ALDH1A2: variants seen among roughly 807,000 people sequenced by gnomAD.
The protein encoded by ALDH1A2 is aldehyde dehydrogenase 1 family member A2.
In ALDH1A2, 27 loss-of-function variants were observed where a neutral mutation model predicts 60.3. The observed-to-expected ratio is 0.45, with a 90% confidence interval of 0.33 to 0.62. ALDH1A2 has a LOEUF of 0.62. Among genes scored for constraint, ALDH1A2 ranks in the 20% least tolerant of loss-of-function variants. The pLI is 0.02. For missense variants in ALDH1A2, 581 were observed against 643.8 expected (o/e 0.90, Z 1.06); for synonymous variants, 289 against 232.4 (o/e 1.24, Z -2.21).
chr15:58,005,332 T>C (rs1208437796), intron 4 of ALDH1A2, among the ~76,000 whole-genome samples: 1 of 152,014 alleles, frequency 6.6e-6, no homozygotes, highest in African/African-American at 2.4e-5. Flanking sequence ...TCACACTATA[T>C]TGCAGTTGCT....
chr15:57,968,545 T>TTA (rs1228809659), intron 7 of ALDH1A2, among the ~76,000 whole-genome samples: 1 of 152,222 alleles, frequency 6.6e-6, no homozygotes, highest in Non-Finnish European at 1.5e-5. Context: ...CATCAAAATC[T>TTA]TATCCCTGCA....
chr15:58,021,184 T>C (rs1435331951), intron 1 of ALDH1A2, among the ~76,000 whole-genome samples: 2 of 152,198 alleles, frequency 1.3e-5, no homozygotes, highest in Non-Finnish European at 2.9e-5. Flanking sequence ...AAATCTGCAT[T>C]TTAACTAGCA....
chr15:58,022,530 G>A (rs945511143), intron 1 of ALDH1A2, among the ~76,000 whole-genome samples: 10 of 151,962 alleles, frequency 6.6e-5, no homozygotes, highest in Non-Finnish European at 1.0e-4. Context: ...CACTACCTCC[G>A]GGGGGAAAGC....
chr15:58,015,544 A>G (rs1018609580), intron 1 of ALDH1A2, among the ~76,000 whole-genome samples: 1 of 152,246 alleles, frequency 6.6e-6, no homozygotes, highest in Non-Finnish European at 1.5e-5. Context: ...TCATAAACAC[A>G]TGTAACAAAA....
chr15:58,014,471 A>G (rs761130861), intron 1 of ALDH1A2, 190 bp from the exon 2 acceptor site: 1 of 641,872 alleles, frequency 1.6e-6, no homozygotes, highest in Non-Finnish European at 2.9e-6. Flanking sequence ...TTGCTTTAAC[A>G]TCATCCAAAG....
chr15:58,052,535 G>A (rs778587212), intron 1 of ALDH1A2, among the ~76,000 whole-genome samples: 4 of 151,876 alleles, frequency 2.6e-5, no homozygotes, highest in East Asian at 3.9e-4. Flanking sequence ...GCGCAATCTC[G>A]GCTCAGTGCA....
chr15:57,974,898 G>C (rs953877479), intron 7 of ALDH1A2, among the ~76,000 whole-genome samples: 16 of 152,176 alleles, frequency 1.1e-4, no homozygotes, highest in Non-Finnish European at 2.4e-4. Flanking sequence ...AACAACGCTT[G>C]TCTCCAAAGT....
intron 7 of ALDH1A2, among the ~76,000 whole-genome samples, chr15:57,989,782 AAAC>A (rs1894833213): frequency 6.6e-6 from 1 of 152,236 alleles, no homozygotes; most frequent in East Asian, 1.9e-4. Context: ...ATTTATAAAC[AAAC>A]AACCCTCACC....
rs190683602 is a variant in ALDH1A2 at position 58,062,707 on chromosome 15, C to T, written c.117+2827G>A. ...TAACACCATCTAGTTTTAAAAAGCA[C>T]ATTCCTTCATAAGGGATCACTTTTA... On this transcript the variant is annotated intron_variant, in intron 1 of 12. Coordinates refer to ENST00000249750, the MANE Select transcript of ALDH1A2 (RefSeq NM_003888.4). 1.7e-3 allele frequency among the ~76,000 whole-genome samples: 257 copies of T among 152,296 alleles called. 2 individuals carry two copies. Among genetic ancestry groups the T allele is most frequent in the South Asian group, 0.011 (52 of 4,830 alleles).
chr15:58,020,698 A>G (rs1412350450), intron 1 of ALDH1A2, among the ~76,000 whole-genome samples: 3 of 152,036 alleles, frequency 2.0e-5, no homozygotes, highest in Non-Finnish European at 4.4e-5. Context: ...TTATTCTTAG[A>G]TATTTTCTTT....
intron 1 of ALDH1A2, among the ~76,000 whole-genome samples, chr15:58,032,781 T>G (rs1280183200): frequency 7.2e-6 from 1 of 139,212 alleles, no homozygotes; most frequent in Non-Finnish European, 1.6e-5. Context: ...TCAACCAAAG[T>G]GCCCCTCAAC....
intron 4 of ALDH1A2, among the ~76,000 whole-genome samples, chr15:58,008,377 ATTTATAACTCG>A: frequency 6.6e-6 from 1 of 152,038 alleles, no homozygotes; most frequent in Middle Eastern, 3.2e-3. Context: ...TATGCCCTGT[ATTTATAACTCG>A]TAGATAAGCA....
At chr15:58,013,745 C>T (rs1895704027) in intron 3 of ALDH1A2, 113 bp downstream of exon 3, 2 of 1,398,320 alleles carry the variant, frequency 1.4e-6, no homozygotes, top group Non-Finnish European at 1.9e-6. Context: ...GAGCTAGACT[C>T]CGTCTCAAAA....
intron 1 of ALDH1A2, among the ~76,000 whole-genome samples, chr15:58,048,309 C>G (rs1171238059): frequency 6.6e-6 from 1 of 152,030 alleles, no homozygotes; most frequent in East Asian, 1.9e-4. Context: ...TCAATGATTA[C>G]ACAAACTGTG....
intron 1 of ALDH1A2, among the ~76,000 whole-genome samples, chr15:58,059,777 C>T (rs1216915689): frequency 1.3e-5 from 2 of 152,036 alleles, no homozygotes; most frequent in East Asian, 3.9e-4. Flanking sequence ...CCCAGGAATC[C>T]CATTTGGTAA....
intron 1 of ALDH1A2, among the ~76,000 whole-genome samples, chr15:58,039,467 C>T (rs1433044851): frequency 1.3e-5 from 2 of 151,762 alleles, no homozygotes; most frequent in Admixed American, 6.6e-5. Context: ...TGTTCAACCT[C>T]AATTGTGAAG....
At position 57,999,416 on chromosome 15, in the gene ALDH1A2, C is replaced by T. The variant is rs991708555; in HGVS notation, c.494-4277G>A. Among the ~76,000 whole-genome samples, 16 of 151,666 alleles carry T rather than the reference C, an allele frequency of 1.1e-4. 1 individual carries two copies. Among genetic ancestry groups the T allele is most frequent in the East Asian group, 9.7e-4 (5 of 5,156 alleles). On this transcript the variant is annotated intron_variant, in intron 4 of 12. Transcript: ENST00000249750. ...GACACTTCTCAAAAGAAGACAGTCA[C>T]GCAGCCAAAAAACATGAAAAAAAGC...
chr15:58,007,781 T>C (rs1005519302), intron 4 of ALDH1A2, among the ~76,000 whole-genome samples: 1 of 145,924 alleles, frequency 6.9e-6, no homozygotes, highest in East Asian at 2.1e-4. Flanking sequence ...ACTTTCTATA[T>C]TCCAGACTTC....
chr15:58,058,130 T>C, intron 1 of ALDH1A2: 1 of 1,448,686 alleles, frequency 6.9e-7, no homozygotes, highest in Non-Finnish European at 9.4e-7. Flanking sequence ...AGACTTTCAG[T>C]TGTTCTCCAT....
Sources: allele counts gnomAD v4.1 joint callset (sites outside exome capture counted in the v4.1 genomes callset), GRCh38; gene constraint gnomAD v4.1.1; transcripts MANE v1.5; gene names NCBI Gene and HGNC (gene_info 2026-07-23, HGNC 2026-07-21).